The following SNRPA variants were observed in gnomAD, a reference collection of about 807,000 sequenced individuals.
SNRPA encodes U1 small nuclear ribonucleoprotein A.
A neutral mutation model predicts 24.5 loss-of-function variants in SNRPA; 10 were observed. The ratio of observed to expected loss-of-function variants is 0.41; its 90% CI spans 0.25 to 0.69. SNRPA has a LOEUF of 0.69. Ranked by LOEUF, SNRPA falls within the 30% of genes least tolerant of loss-of-function variation. The pLI is 0.33. For missense variants in SNRPA, 283 were observed against 394.7 expected (o/e 0.72, Z 2.40); for synonymous variants, 165 against 148.4 (o/e 1.11, Z -0.81).
intron 1 of SNRPA, 45 bp downstream of exon 1, chr19:40,751,526 C>T: frequency 7.1e-7 from 1 of 1,405,836 alleles, no homozygotes; most frequent in Non-Finnish European, 1.0e-6. Flanking sequence ...CCCGCACGGG[C>T]TGGCCCCTCT....
At position 40,765,057 on chromosome 19, in the gene SNRPA, G is replaced by A. The variant is rs773487223; in HGVS notation, c.739G>A (p.Ala247Thr). Residue 247 changes from alanine to threonine, a missense_variant, in exon 6 of 6, where the codon GCC becomes ACC. Ala to Thr is a moderately conservative substitution (Grantham distance 58). This residue lies in a region of SNRPA where 51 missense variants were observed against 110.3 expected (regional missense o/e 0.46). Coordinates refer to ENST00000243563, the MANE Select transcript of SNRPA (RefSeq NM_004596.5). Reference sequence around the variant, plus strand: ...TCTGGTACCCGGGCGGCATGACATCGCCTTCGTGGAGTTTGACAATGAGGT... The same window carrying A: ...TCTGGTACCCGGGCGGCATGACATCACCTTCGTGGAGTTTGACAATGAGGT... ...VRLVPGRHDI[A>T]FVEFDNEVQA... is the part of the protein sequence containing the mutation. 3 of 1,589,526 alleles carry A rather than the reference G, an allele frequency of 1.9e-6. No homozygotes were observed. The highest frequency in any genetic ancestry group is 2.6e-6 in the Non-Finnish European group (3 of 1,169,332).
chr19:40,752,884 T>C (rs968972018), intron 1 of SNRPA, among the ~76,000 whole-genome samples: 7 of 152,210 alleles, frequency 4.6e-5, no homozygotes, highest in African/African-American at 1.7e-4. Context: ...CTTTTTTGCA[T>C]GGATGTTGGG....
At chr19:40,763,095 A>G in intron 4 of SNRPA, 21 bp downstream of exon 4, 1 of 1,525,684 alleles carries the variant, frequency 6.6e-7, no homozygotes, top group Non-Finnish European at 8.8e-7. Flanking sequence ...AGTCCCACCC[A>G]CCAGGTCTCA....
chr19:40,755,048 G>A (rs1183409565), intron 1 of SNRPA, among the ~76,000 whole-genome samples: 1 of 151,622 alleles, frequency 6.6e-6, no homozygotes, highest in African/African-American at 2.4e-5. Flanking sequence ...TCCTAGCCTG[G>A]TATCTATTTT....
Position 40,763,685 on chromosome 19 carries a change from G to C in SNRPA, c.689+10G>C, listed in dbSNP as rs375770634. On this transcript the variant is annotated intron_variant, in intron 5 of 5. Transcript: ENST00000243563. ...CCATGCTTTTCAATCAGTAAGTGGG[G>C]CCTGTGGCTGGGTGGTCCCTGGAGG... The C allele has an allele frequency of 8.8e-5, 141 of 1,610,952 alleles. No individual in the cohort carries two copies. The highest frequency in any genetic ancestry group is 1.2e-4 in the Non-Finnish European group (136 of 1,177,116).
intron 3 of SNRPA, among the ~76,000 whole-genome samples, chr19:40,761,434 C>G (rs554379200): frequency 9.4e-5 from 13 of 138,524 alleles, no homozygotes; most frequent in African/African-American, 3.4e-4. Context: ...AGTTTCTTTT[C>G]TCTTTTCTTT....
In SNRPA at chr19:40,751,227, C is replaced by T. The variant is rs946705834; in HGVS notation, c.-182C>T. ...TCTCTCCGCACGCGGGCTGGAGAAG[C>T]GGGTCCTACGCACGCTTTGTTGTCG... On this transcript the variant is annotated 5_prime_UTR_variant, in exon 1 of 6. Transcript: ENST00000243563. The T allele has an allele frequency of 3.2e-6, 2 of 629,528 alleles. No individual in the cohort carries two copies. Among genetic ancestry groups the T allele is most frequent in the African/African-American group, 1.8e-5 (1 of 54,858 alleles). The allele number at this position is 629,528 out of a possible 1,614,324, so 39.0% of individuals were successfully genotyped here.
At position 40,757,464 on chromosome 19, in the gene SNRPA, T is replaced by C; in HGVS notation, c.206T>C (p.Leu69Pro). 6.2e-7 allele frequency: 1 copy of C among 1,613,878 alleles called. No homozygotes were observed. Among genetic ancestry groups the C allele is most frequent in the Non-Finnish European group, 8.5e-7 (1 of 1,179,938 alleles). The change falls in exon 2 of 6, where the codon CTG (leucine) becomes CCG (proline). Residue 69 changes from leucine (L) to proline (P), a missense_variant. Physicochemically the swap from Leu to Pro is moderately conservative, Grantham distance 98 (BLOSUM62 -3). Around this residue, in one of 6 missense-constraint regions of SNRPA, gnomAD observed 12 missense variants for 45.6 expected, o/e 0.26. Coordinates refer to ENST00000243563, the MANE Select transcript of SNRPA (RefSeq NM_004596.5). ...GAGGTCAGCAGCGCCACCAACGCCC[T>C]GCGCTCCATGCAGGGTTTCCCTTTC... Reference protein sequence around the residue: ...FKEVSSATNALRSMQGFPFYD... With the variant: ...FKEVSSATNAPRSMQGFPFYD...
chr19:40,762,997 C>T lies in SNRPA; in HGVS notation c.523C>T (p.Leu175Phe). The T allele has an allele frequency of 6.2e-7, 1 of 1,611,528 alleles. No individual in the cohort carries two copies. Among genetic ancestry groups the T allele is most frequent in the Non-Finnish European group, 8.5e-7 (1 of 1,178,290 alleles). ...PPPGMIPPPG[L>F]APGQIPPGAM... ...CCCTGGTATGATCCCCCCGCCAGGC[C>T]TTGCACCTGGCCAGATCCCACCAGG... Residue 175 changes from leucine to phenylalanine, a missense_variant, in exon 4 of 6, where the codon CTT (leucine) becomes TTT (phenylalanine). Physicochemically the swap from Leu to Phe is conservative, Grantham distance 22. Around this residue, in one of 6 missense-constraint regions of SNRPA, gnomAD observed 167 missense variants for 174.3 expected, o/e 0.96. Transcript: ENST00000243563.
chr19:40,759,565 CG>C lies in SNRPA; in HGVS notation c.386del (p.Gly129GlufsTer19). ...TPATKKAVQG[G>X]GATPVVGAVQ... ...CGGCCACCAAGAAGGCTGTGCAAGG[CG>C]GGGGAGCCACCCCCGTGGTGGGGGC... On this transcript the variant is annotated frameshift_variant, in exon 3 of 6. Transcript: ENST00000243563. LOFTEE classifies it high-confidence loss of function. 6.2e-7 allele frequency: 1 copy of C among 1,613,610 alleles called. No individual in the cohort carries two copies. Among genetic ancestry groups the C allele is most frequent in the Admixed American group, 1.7e-5 (1 of 59,888 alleles).
chr19:40,755,251 TC>T (rs2082903634), intron 1 of SNRPA, among the ~76,000 whole-genome samples: 1 of 145,912 alleles, frequency 6.9e-6, no homozygotes, highest in African/African-American at 2.6e-5. Context: ...TAATTTTTTT[TC>T]TTTTCTTTTT....
chr19:40,763,781 G>C, intron 5 of SNRPA, 106 bp downstream of exon 5: 4 of 954,022 alleles, frequency 4.2e-6, no homozygotes, highest in Non-Finnish European at 6.8e-6. Context: ...AGCCAAGTAG[G>C]GCTTTGCAGA....
chr19:40,764,828 A>G (rs916188264), intron 5 of SNRPA, among the ~76,000 whole-genome samples, 180 bp from the exon 6 acceptor site: 5 of 152,122 alleles, frequency 3.3e-5, no homozygotes, highest in Admixed American at 1.3e-4. Context: ...ATTAAATGCT[A>G]TGTTTACATT....
chr19:40,760,578 G>A (rs1387111471), intron 3 of SNRPA, among the ~76,000 whole-genome samples: 1 of 152,178 alleles, frequency 6.6e-6, no homozygotes, highest in Admixed American at 6.5e-5. Flanking sequence ...CTTTCTAAAT[G>A]TGTGGAAAGA....
chr19:40,761,462 T>C (rs531355313), intron 3 of SNRPA, among the ~76,000 whole-genome samples: 10 of 67,114 alleles, frequency 1.5e-4, no homozygotes, highest in South Asian at 5.4e-4. Context: ...CTTTTTCTTT[T>C]TTTTTTTTTT....
chr19:40,763,465 A>G, intron 4 of SNRPA, 122 bp from the exon 5 acceptor site: 1 of 790,712 alleles, frequency 1.3e-6, no homozygotes, highest in Non-Finnish European at 2.2e-6. Context: ...AATATGTGGT[A>G]TGTTGGGTGG....
chr19:40,754,616 C>T (rs2082900714), intron 1 of SNRPA, among the ~76,000 whole-genome samples: 1 of 152,162 alleles, frequency 6.6e-6, no homozygotes, highest in African/African-American at 2.4e-5. Context: ...CTTGGTCCAG[C>T]TTGTTCAGAT....
intron 1 of SNRPA, chr19:40,756,965 G>T: frequency 3.8e-6 from 1 of 266,256 alleles, no homozygotes; most frequent in Non-Finnish European, 7.3e-6. Context: ...TGGAATGTGG[G>T]CAGGGATGAG....
chr19:40,754,827 G>A (rs2082901573), intron 1 of SNRPA, among the ~76,000 whole-genome samples: 3 of 152,092 alleles, frequency 2.0e-5, no homozygotes, highest in South Asian at 4.1e-4. Context: ...CAGCTGTGGA[G>A]GGTAAATGCG....
Sources: gnomAD v4.1 joint callset for allele counts (sites outside exome capture counted in the v4.1 genomes callset) on GRCh38, gnomAD v4.1.1 for gene constraint, gnomAD v4.1.1 regional missense constraint, MANE v1.5 for transcripts, NCBI Gene and HGNC (gene_info 2026-07-23, HGNC 2026-07-21) for gene names.